ADAMTS9: variants seen among roughly 807,000 people sequenced by gnomAD.
ADAMTS9 encodes the protein ADAM metallopeptidase with thrombospondin type 1 motif 9, also known as A disintegrin and metalloproteinase with thrombospondin motifs 9.
ADAMTS9 carries 107 observed loss-of-function variants against 257.1 expected under a neutral mutation model. The ratio of observed to expected loss-of-function variants is 0.42; its 90% CI spans 0.36 to 0.49. The LOEUF is 0.49. Ranked by LOEUF, ADAMTS9 falls within the 20% of genes least tolerant of loss-of-function variation. The probability of loss-of-function intolerance (pLI) is 0.03; values close to 1 mark genes in which losing one functional copy is unlikely to be tolerated. For synonymous variants in ADAMTS9, 982 were observed against 880.9 expected (o/e 1.11, Z -2.03); for missense variants, 2,353 against 2,469.1 (o/e 0.95, Z 1.00).
At chr3:64,611,653 A>T (rs2084667452) in intron 22 of ADAMTS9, among the ~76,000 whole-genome samples, 1 of 152,156 alleles carries the variant, frequency 6.6e-6, no homozygotes, top group South Asian at 2.1e-4. Context: ...TTCACAACCT[A>T]GATCTCACAG....
intron 3 of ADAMTS9, among the ~76,000 whole-genome samples, chr3:64,665,493 G>C (rs1701331494): frequency 6.6e-6 from 1 of 152,344 alleles, no homozygotes; most frequent in East Asian, 1.9e-4. Context: ...ACAGTGCCTA[G>C]TGCATAGGAA....
At chr3:64,668,743 C>T (rs35304379) in intron 3 of ADAMTS9, among the ~76,000 whole-genome samples, 4 of 152,034 alleles carry the variant, frequency 2.6e-5, no homozygotes, top group Admixed American at 6.6e-5. Context: ...CCAGGCCTGC[C>T]GCTGGGATCT....
At chr3:64,578,929 T>C (rs2083924927) in intron 28 of ADAMTS9, among the ~76,000 whole-genome samples, 1 of 152,184 alleles carries the variant, frequency 6.6e-6, no homozygotes, top group Non-Finnish European at 1.5e-5. Flanking sequence ...GTTACTACAA[T>C]GGTCTTACCA....
intron 28 of ADAMTS9, among the ~76,000 whole-genome samples, chr3:64,586,286 A>T (rs1387214205): frequency 2.0e-5 from 3 of 148,444 alleles, no homozygotes; most frequent in Admixed American, 6.7e-5. Flanking sequence ...TTGTTATAAT[A>T]AAAAAAAAAT....
intron 26 of ADAMTS9, 76 bp downstream of exon 26, chr3:64,601,868 A>G (rs2084467981): frequency 6.7e-7 from 1 of 1,489,498 alleles, no homozygotes; most frequent in Non-Finnish European, 9.0e-7. Flanking sequence ...TATGCTCTAA[A>G]GGTGTTTCTA....
intron 39 of ADAMTS9, among the ~76,000 whole-genome samples, chr3:64,517,438 T>TTTTTTTTTTTTTTTTTTC (rs2082794253): frequency 7.0e-6 from 1 of 142,684 alleles, no homozygotes; most frequent in Non-Finnish European, 1.5e-5. Flanking sequence ...TTTTTTTTTT[T>TTTTTTTTTTTTTTTTTTC]TGCAGAAATG....
chr3:64,636,224 T>G (rs1048938007), intron 12 of ADAMTS9, among the ~76,000 whole-genome samples: 4 of 152,200 alleles, frequency 2.6e-5, no homozygotes, highest in Non-Finnish European at 5.9e-5. Context: ...TTTGCTTGCT[T>G]TGACCACTAT....
chr3:64,519,066 C>T (rs1027391802), intron 39 of ADAMTS9, among the ~76,000 whole-genome samples: 2 of 152,122 alleles, frequency 1.3e-5, no homozygotes, highest in South Asian at 2.1e-4. Context: ...GCATGAGCCA[C>T]CGTGCCCAGC....
intron 28 of ADAMTS9, among the ~76,000 whole-genome samples, chr3:64,571,695 A>G (rs1448801971): frequency 1.3e-5 from 2 of 152,210 alleles, no homozygotes; most frequent in Non-Finnish European, 2.9e-5. Context: ...GAAATTCTCA[A>G]GGTATCTAAT....
chr3:64,624,849 C>A (rs746798702), intron 16 of ADAMTS9, among the ~76,000 whole-genome samples: 18 of 152,002 alleles, frequency 1.2e-4, no homozygotes, highest in Non-Finnish European at 2.5e-4. Context: ...ACATCTTTTC[C>A]TTTTAGTATT....
At chr3:64,523,805 T>C (rs2082879103) in intron 38 of ADAMTS9, among the ~76,000 whole-genome samples, 1 of 152,168 alleles carries the variant, frequency 6.6e-6, no homozygotes, top group South Asian at 2.1e-4. Context: ...ACACAGCAAT[T>C]TGATGGCTTA....
In ADAMTS9 at chr3:64,649,645, G is replaced by A. The variant is rs778615150; in HGVS notation, c.1597C>T (p.Pro533Ser). ...LIFGPGSQVC[P>S]YMMQCRRLWC... ...GGCCCTCCTACACTTACCATATATG[G>A]GCACACCTGAGAACCTGGTCCAAAA... Residue 533 changes from proline to serine, a missense_variant, in exon 10 of 40, where the codon CCA becomes TCA. This residue lies in a region of ADAMTS9 where 360 missense variants were observed against 458.1 expected (regional missense o/e 0.79). Transcript: ENST00000498707. 6 of 1,612,968 alleles carry A rather than the reference G, an allele frequency of 3.7e-6. No individual in the cohort carries two copies. The highest frequency in any genetic ancestry group is 5.1e-6 in the Non-Finnish European group (6 of 1,179,502).
Position 64,561,638 on chromosome 3 carries a change from T to A in ADAMTS9, c.4638A>T (p.Glu1546Asp). ...ECNPYTRPES[E>D]RDCQGPRCPL... ...GACACCGTGGGCCTTGGCAGTCGCG[T>A]TCCGACTCCGGTCTGGTGTATGGGT... Residue 1546 changes from glutamate (E) to aspartate (D), a missense_variant, in exon 30 of 40, where the codon GAA becomes GAT. Physicochemically the swap from Glu to Asp is conservative, Grantham distance 45 (BLOSUM62 2). This residue lies in a region of ADAMTS9 where 1,402 missense variants were observed against 1,441.4 expected (regional missense o/e 0.97). Coordinates refer to ENST00000498707, the MANE Select transcript of ADAMTS9 (RefSeq NM_182920.2). The A allele has an allele frequency of 4.3e-6, 7 of 1,614,116 alleles. No individual in the cohort carries two copies. Among genetic ancestry groups the A allele is most frequent in the Non-Finnish European group, 5.9e-6 (7 of 1,179,992 alleles).
chr3:64,574,566 A>AAAG (rs1441653957), intron 28 of ADAMTS9, among the ~76,000 whole-genome samples: 18 of 151,604 alleles, frequency 1.2e-4, no homozygotes, highest in African/African-American at 4.4e-4. Context: ...CTACAAAAAA[A>AAAG]AAAAAAAAAA....
chr3:64,630,006 T>A (rs1047978761), intron 16 of ADAMTS9, among the ~76,000 whole-genome samples: 1 of 152,172 alleles, frequency 6.6e-6, no homozygotes, highest in Non-Finnish European at 1.5e-5. Flanking sequence ...TCTATACAGG[T>A]TGAATTCAGA....
intron 38 of ADAMTS9, among the ~76,000 whole-genome samples, chr3:64,532,036 C>G (rs1341522793): frequency 6.6e-6 from 1 of 152,186 alleles, no homozygotes; most frequent in African/African-American, 2.4e-5. Flanking sequence ...TCCCCCCACC[C>G]TTAGAGATTC....
At chr3:64,650,303 TTC>T (rs1700900678) in intron 9 of ADAMTS9, 1 of 152,588 alleles carries the variant, frequency 6.6e-6, no homozygotes, top group Non-Finnish European at 1.5e-5. Context: ...ACCCGTTGAG[TTC>T]TGATTGATAA....
At chr3:64,538,750 C>T (rs534897675) in intron 37 of ADAMTS9, among the ~76,000 whole-genome samples, 1 of 152,214 alleles carries the variant, frequency 6.6e-6, no homozygotes, top group South Asian at 2.1e-4. Context: ...CATTTAGTGA[C>T]ATAATGTTGA....
At position 64,658,721 on chromosome 3, in the gene ADAMTS9, C is replaced by T; in HGVS notation, c.750G>A (p.Leu250=). ...TGTTTAATGCTGCTACGTCACCAGCCAGGTTAATCCTTTCTCCCCATTTTC... is the reference window on the plus strand; with the variant it reads ...TGTTTAATGCTGCTACGTCACCAGCTAGGTTAATCCTTTCTCCCCATTTTC... The part of the protein sequence containing the change: ...RARKWGERIN[L]AGDVAALNSG... Residue 250 remains leucine, a synonymous_variant, in exon 4 of 40, where the codon CTG becomes CTA. Coordinates refer to ENST00000498707, the MANE Select transcript of ADAMTS9 (RefSeq NM_182920.2). 1.2e-6 allele frequency: 2 copies of T among 1,614,188 alleles called. No homozygotes were observed. Among genetic ancestry groups the T allele is most frequent in the Non-Finnish European group, 1.7e-6 (2 of 1,180,040 alleles).
Sources: allele counts gnomAD v4.1 joint callset (sites outside exome capture counted in the v4.1 genomes callset), GRCh38; gene constraint gnomAD v4.1.1; regional missense constraint gnomAD v4.1.1; transcripts MANE v1.5; gene names NCBI Gene and HGNC (gene_info 2026-07-23, HGNC 2026-07-21).